SLC17A1: variants seen among roughly 807,000 people sequenced by gnomAD.
The protein encoded by SLC17A1 is sodium-dependent phosphate transport protein 1.
Under a neutral mutation model 53.5 loss-of-function variants are expected in SLC17A1, and 51 were observed. The observed-to-expected ratio is 0.95, with a 90% CI of 0.76 to 1.20. SLC17A1 has a LOEUF of 1.20. SLC17A1 is among the 50% of genes most tolerant of loss of function. SLC17A1 has a pLI of 0.00. For missense variants in SLC17A1, 538 were observed against 568.2 expected (o/e 0.95, Z 0.54); for synonymous variants, 179 against 198.8 (o/e 0.90, Z 0.84).
intron 10 of SLC17A1, among the ~76,000 whole-genome samples, chr6:25,803,212 C>T (rs1430048937): frequency 6.6e-6 from 1 of 152,114 alleles, no homozygotes; most frequent in Non-Finnish European, 1.5e-5. Flanking sequence ...GCTGGGATTA[C>T]AGGCGTGAGC....
At chr6:25,808,710 C>T (rs1764044391) in intron 10 of SLC17A1, among the ~76,000 whole-genome samples, 1 of 151,998 alleles carries the variant, frequency 6.6e-6, no homozygotes, top group South Asian at 2.1e-4. Context: ...GAGATAACAT[C>T]TTGTACCAGT....
At chr6:25,801,482 C>T (rs1763757869) in intron 10 of SLC17A1, among the ~76,000 whole-genome samples, 1 of 152,164 alleles carries the variant, frequency 6.6e-6, no homozygotes, top group African/African-American at 2.4e-5. Context: ...AGAAAATTAG[C>T]TACAAACGCA....
intron 6 of SLC17A1, among the ~76,000 whole-genome samples, chr6:25,814,695 C>T (rs1338005525): frequency 2.0e-5 from 3 of 152,064 alleles, no homozygotes; most frequent in Non-Finnish European, 2.9e-5. Context: ...ACTAAAAAGA[C>T]AGAATGGGCT....
the SLC17A1 span, among the ~76,000 whole-genome samples, chr6:25,725,260 C>T: frequency 6.6e-6 from 1 of 152,108 alleles, no homozygotes; most frequent in Admixed American, 6.5e-5. Context: ...CCCATTCCTG[C>T]CTGAGTCTAA....
chr6:25,789,950 T>C (rs2151475244), intron 12 of SLC17A1, among the ~76,000 whole-genome samples: 1 of 152,238 alleles, frequency 6.6e-6, no homozygotes, highest in African/African-American at 2.4e-5. Context: ...AAAAATGTCC[T>C]TGTTTGCAGG....
the SLC17A1 span, among the ~76,000 whole-genome samples, chr6:25,765,834 AT>A: frequency 2.0e-5 from 3 of 152,144 alleles, no homozygotes; most frequent in Admixed American, 2.0e-4. Context: ...CTTATAGAAA[AT>A]AATGTGAACT....
the SLC17A1 span, among the ~76,000 whole-genome samples, chr6:25,724,174 A>G: frequency 6.6e-6 from 1 of 152,226 alleles, no homozygotes; most frequent in Non-Finnish European, 1.5e-5. Context: ...TTGTAATCCC[A>G]GCACTTTGGG....
chr6:25,767,428 A>C, the SLC17A1 span, among the ~76,000 whole-genome samples: 1 of 152,182 alleles, frequency 6.6e-6, no homozygotes, highest in Non-Finnish European at 1.5e-5. Context: ...CTTGAGGTAG[A>C]CTCTGTTATT....
intron 6 of SLC17A1, among the ~76,000 whole-genome samples, chr6:25,817,951 T>C (rs561525845): frequency 9.9e-5 from 15 of 152,190 alleles, no homozygotes; most frequent in Admixed American, 3.3e-4. Context: ...TTAACAGCAA[T>C]GGAATTTTGA....
chr6:25,806,056 C>A (rs1484610576), intron 10 of SLC17A1, among the ~76,000 whole-genome samples: 1 of 152,038 alleles, frequency 6.6e-6, no homozygotes, highest in Non-Finnish European at 1.5e-5. Flanking sequence ...ATACCAAAAT[C>A]AGAAAAGGCT....
the SLC17A1 span, chr6:25,731,972 A>C: frequency 6.3e-7 from 1 of 1,594,828 alleles, no homozygotes; most frequent in Non-Finnish European, 8.6e-7. Context: ...TAACAAAAGA[A>C]TTCATGATAC....
At chr6:25,811,580 T>C in intron 9 of SLC17A1, 35 bp from the exon 10 acceptor site, 3 of 1,613,474 alleles carry the variant, frequency 1.9e-6, no homozygotes, top group Non-Finnish European at 2.5e-6. Flanking sequence ...GTCAGGTGCA[T>C]CCTAAAGATA....
chr6:25,724,310 C>T, the SLC17A1 span, among the ~76,000 whole-genome samples: 3 of 152,162 alleles, frequency 2.0e-5, no homozygotes, highest in African/African-American at 7.2e-5. Flanking sequence ...GTAATCCCAG[C>T]TACTCAGGAG....
Position 25,819,138 on chromosome 6 carries a change from G to C in SLC17A1, c.546C>G (p.Pro182=). 1 of 1,608,612 alleles carries C rather than the reference G, an allele frequency of 6.2e-7. No homozygotes were observed. ...SMSTSGFLLG[P]FIVLLVTGVI... ...CTCCAGTCACAAGTAGGACAATAAA[G>C]GGTCCCAGCAAAAACCCTAATCAGT... Residue 182 remains proline, a synonymous_variant, in exon 6 of 13, where the codon CCC becomes CCG. Coordinates refer to ENST00000244527, the MANE Select transcript of SLC17A1 (RefSeq NM_005074.5).
At chr6:25,825,686 A>C (rs188052969) in intron 3 of SLC17A1, among the ~76,000 whole-genome samples, 3 of 151,780 alleles carry the variant, frequency 2.0e-5, no homozygotes, top group Admixed American at 2.0e-4. Context: ...CTGTGGTTTG[A>C]TGTTTGTCAT....
chr6:25,744,885 G>A, the SLC17A1 span, among the ~76,000 whole-genome samples: 4 of 152,110 alleles, frequency 2.6e-5, no homozygotes, highest in Admixed American at 2.6e-4. Flanking sequence ...TGAATAGCCC[G>A]AAATATTAAG....
At chr6:25,758,699 C>A in the SLC17A1 span, among the ~76,000 whole-genome samples, 1 of 151,938 alleles carries the variant, frequency 6.6e-6, no homozygotes, top group Non-Finnish European at 1.5e-5. Flanking sequence ...TGGTTAGTGT[C>A]GCTGATGGTC....
the SLC17A1 span, chr6:25,770,178 G>C: frequency 6.2e-7 from 1 of 1,614,110 alleles, no homozygotes; most frequent in Non-Finnish European, 8.5e-7. Flanking sequence ...AATATTTGGA[G>C]CCAAGTATGT....
the SLC17A1 span, among the ~76,000 whole-genome samples, chr6:25,776,172 A>T: frequency 6.6e-6 from 1 of 152,068 alleles, no homozygotes; most frequent in African/African-American, 2.4e-5. Context: ...TGTTTTTGCC[A>T]ATTTGATCCA....
Sources: allele counts gnomAD v4.1 joint callset (sites outside exome capture counted in the v4.1 genomes callset), GRCh38; gene constraint gnomAD v4.1.1; transcripts MANE v1.5; gene names NCBI Gene and HGNC (gene_info 2026-07-23, HGNC 2026-07-21).